The following PIP5K1C variants were observed in gnomAD, a reference collection of about 807,000 sequenced individuals.
PIP5K1C encodes phosphatidylinositol-4-phosphate 5-kinase type 1 gamma, also known as phosphatidylinositol 4-phosphate 5-kinase type-1 gamma.
PIP5K1C carries 45 observed loss-of-function variants against 80.1 expected under a neutral mutation model. That is an observed-to-expected ratio of 0.56 (90% confidence interval 0.44 to 0.72). The LOEUF is 0.72. PIP5K1C is among the 30% of genes least tolerant of loss of function. PIP5K1C has a pLI of 0.00. For synonymous variants in PIP5K1C, 498 were observed against 420.1 expected, an observed-to-expected ratio of 1.19 and a Z score of -2.27; for missense variants, 753 against 954.6, an observed-to-expected ratio of 0.79 and a Z score of 2.78.
At chr19:3,652,448 C>A (rs755337272) in intron 7 of PIP5K1C, among the ~76,000 whole-genome samples, 3 of 152,094 alleles carry the variant, frequency 2.0e-5, no homozygotes, top group Non-Finnish European at 2.9e-5. Flanking sequence ...GTGGTCTGGG[C>A]GGTTTTCTGG....
rs1186419726 is a variant in PIP5K1C at position 3,637,517 on chromosome 19, G to A, written c.1920+1367C>T. 6.5e-7 allele frequency: 1 copy of A among 1,535,420 alleles called. No homozygotes were observed. The highest frequency in any genetic ancestry group is 1.4e-5 in the African/African-American group (1 of 72,996). On this transcript the variant is annotated intron_variant, in intron 16 of 17. Coordinates refer to ENST00000335312, the MANE Select transcript of PIP5K1C (RefSeq NM_012398.3). This position sits in a 1 kb window ranked among gnomAD's most constrained non-coding sequence, Gnocchi z 7.0. Reference sequence around the variant, plus strand: ...GGCACTGCCCCTTCTCCCCAGGGTGGCCGGCTGCGGTCACTTACAGTCCCC... The same window carrying A: ...GGCACTGCCCCTTCTCCCCAGGGTGACCGGCTGCGGTCACTTACAGTCCCC...
intron 6 of PIP5K1C, among the ~76,000 whole-genome samples, chr19:3,655,214 C>G (rs988030539): frequency 6.7e-6 from 1 of 149,800 alleles, no homozygotes; most frequent in Admixed American, 6.7e-5. Flanking sequence ...ATCAGGAAAT[C>G]GAGACCATCC....
intron 7 of PIP5K1C, 63 bp from the exon 8 acceptor site, chr19:3,652,094 C>G (rs1294179920): frequency 1.3e-6 from 2 of 1,529,766 alleles, no homozygotes; most frequent in South Asian, 1.1e-5. Context: ...CAACGGCTCC[C>G]GGACCCTATG....
At chr19:3,651,775 G>T in intron 8 of PIP5K1C, 51 bp downstream of exon 8, 1 of 1,546,602 alleles carries the variant, frequency 6.5e-7, no homozygotes, top group Non-Finnish European at 8.9e-7. Context: ...GGGAACTGGA[G>T]CCTGTGGGGA....
At chr19:3,693,072 T>A (rs2035993255) in intron 1 of PIP5K1C, among the ~76,000 whole-genome samples, 1 of 152,098 alleles carries the variant, frequency 6.6e-6, no homozygotes, top group African/African-American at 2.4e-5. Context: ...TTTGCTTTTC[T>A]TTGCTGTCTG....
At chr19:3,684,244 A>G (rs1442140901) in intron 1 of PIP5K1C, among the ~76,000 whole-genome samples, 1 of 152,144 alleles carries the variant, frequency 6.6e-6, no homozygotes, top group African/African-American at 2.4e-5. Context: ...CCTTATAATT[A>G]GAGGCATCAA....
At chr19:3,682,679 A>G (rs1428546114) in intron 1 of PIP5K1C, among the ~76,000 whole-genome samples, 5 of 152,018 alleles carry the variant, frequency 3.3e-5, no homozygotes, top group African/African-American at 1.2e-4. Flanking sequence ...ACAGAGCAAG[A>G]CTGTCCCTAT....
At chr19:3,693,433 G>A (rs1257991254) in intron 1 of PIP5K1C, among the ~76,000 whole-genome samples, 1 of 152,150 alleles carries the variant, frequency 6.6e-6, no homozygotes, top group East Asian at 1.9e-4. Context: ...CAGGGGCTCC[G>A]AGCTAATCCC....
chr19:3,667,495 T>C (rs374319228), intron 1 of PIP5K1C, 142 bp from the exon 2 acceptor site: 31 of 898,126 alleles, frequency 3.5e-5, no homozygotes, highest in Non-Finnish European at 3.1e-5. Flanking sequence ...TACACACAAG[T>C]GAAGACATGG....
intron 2 of PIP5K1C, 53 bp downstream of exon 2, chr19:3,667,269 G>C (rs972452271): frequency 2.0e-6 from 3 of 1,511,848 alleles, no homozygotes; most frequent in Non-Finnish European, 2.7e-6. Context: ...CGAGTAGGGA[G>C]GCAGCAGGTC....
intron 1 of PIP5K1C, among the ~76,000 whole-genome samples, chr19:3,685,547 G>A (rs1297443633): frequency 1.3e-5 from 2 of 152,050 alleles, no homozygotes; most frequent in African/African-American, 2.4e-5. Context: ...TGGCTAACAC[G>A]GTGAAACCCC....
In PIP5K1C at chr19:3,654,344, G is replaced by A. The variant is rs374831749; in HGVS notation, c.622-755C>T. ...CCCCTGCCCAGAGCCTCTCAATGAC[G>A]AACCCAGTGGGAAGCTGCCCAGGTG... On this transcript the variant is annotated intron_variant, in intron 6 of 17. Coordinates refer to ENST00000335312, the MANE Select transcript of PIP5K1C (RefSeq NM_012398.3). Among the ~76,000 whole-genome samples the A allele has an allele frequency of 5.3e-3, 807 of 152,346 alleles. 10 individuals are homozygous for A. The highest frequency in any genetic ancestry group is 0.018 in the African/African-American group (769 of 41,576).
chr19:3,647,242 G>A, intron 10 of PIP5K1C, 96 bp downstream of exon 10: 1 of 1,081,778 alleles, frequency 9.2e-7, no homozygotes, highest in Non-Finnish European at 1.4e-6. Flanking sequence ...GAGGGTGCAG[G>A]CACTCACAGA....
chr19:3,641,257 T>A (rs1328439646), intron 15 of PIP5K1C, among the ~76,000 whole-genome samples: 2 of 151,924 alleles, frequency 1.3e-5, no homozygotes, highest in African/African-American at 2.4e-5. Context: ...AAAATTAAAT[T>A]AATAAATACT....
intron 13 of PIP5K1C, 46 bp from the exon 14 acceptor site, chr19:3,642,985 C>A: frequency 6.2e-7 from 1 of 1,608,522 alleles, no homozygotes; most frequent in East Asian, 2.2e-5. Flanking sequence ...GAGAGTGGCC[C>A]GCCTGCTCAG....
At chr19:3,642,467 C>T (rs765156665) in intron 14 of PIP5K1C, among the ~76,000 whole-genome samples, 6 of 152,160 alleles carry the variant, frequency 3.9e-5, no homozygotes, top group Admixed American at 2.0e-4. Context: ...GTGTGGGCGG[C>T]GTGCACGGGT....
intron 1 of PIP5K1C, among the ~76,000 whole-genome samples, chr19:3,683,111 C>T (rs2035640486): frequency 6.6e-6 from 1 of 152,100 alleles, no homozygotes; most frequent in African/African-American, 2.4e-5. Context: ...TCAGAGAGTC[C>T]CCTCCCTGGT....
At chr19:3,690,458 G>C (rs1233405657) in intron 1 of PIP5K1C, among the ~76,000 whole-genome samples, 3 of 151,210 alleles carry the variant, frequency 2.0e-5, no homozygotes, top group Admixed American at 1.3e-4. Context: ...ACTCTAGCCT[G>C]GGTGATACAG....
In PIP5K1C at chr19:3,688,912, C is replaced by T. The variant is rs572848302; in HGVS notation, c.94+11385G>A. ...CCAGCCTTGTCCCCAACACAGCCTG[C>T]AAATGGGCGGGGGCCTGGGAGAGTG... On this transcript the variant is annotated intron_variant, in intron 1 of 17. Transcript: ENST00000335312. The surrounding 1 kb of genome is among the most constrained non-coding windows in gnomAD (Gnocchi z 5.3). 6.9e-6 allele frequency among the ~76,000 whole-genome samples: 1 copy of T among 145,820 alleles called. No individual in the cohort carries two copies. Among genetic ancestry groups the T allele is most frequent in the South Asian group, 2.4e-4 (1 of 4,120 alleles).
Sources: allele counts gnomAD v4.1 joint callset (sites outside exome capture counted in the v4.1 genomes callset), GRCh38; gene constraint gnomAD v4.1.1; non-coding constraint Gnocchi (gnomAD v3.1); transcripts MANE v1.5; gene names NCBI Gene and HGNC (gene_info 2026-07-23, HGNC 2026-07-21).